ZNF599: variants seen among roughly 807,000 people sequenced by gnomAD.
ZNF599 encodes the protein zinc finger protein 599.
ZNF599 carries 10 observed loss-of-function variants against 11.7 expected under a neutral mutation model. That is an observed-to-expected ratio of 0.86 (90% confidence interval 0.53 to 1.45). The LOEUF is 1.45. Ranked by LOEUF, ZNF599 falls within the 40% of genes most tolerant of loss-of-function variation. The probability of loss-of-function intolerance (pLI) is 0.00; values close to 1 mark genes in which losing one functional copy is unlikely to be tolerated. For synonymous variants in ZNF599, 232 were observed against 253.2 expected (o/e 0.92, Z 0.79); for missense variants, 688 against 713.6 (o/e 0.96, Z 0.41).
chr19:34,785,253 A>G, the ZNF599 span, among the ~76,000 whole-genome samples: 2 of 152,152 alleles, frequency 1.3e-5, no homozygotes, highest in Non-Finnish European at 2.9e-5. Context: ...GACTTAAAAA[A>G]TAGATGCAGA....
chr19:34,777,383 A>C (rs1413125618), upstream of ZNF599, among the ~76,000 whole-genome samples: 2 of 89,650 alleles, frequency 2.2e-5, no homozygotes, highest in Non-Finnish European at 4.0e-5. Flanking sequence ...ATTATATATT[A>C]ATTAATATAT....
the ZNF599 span, among the ~76,000 whole-genome samples, chr19:34,803,797 G>A: frequency 6.6e-6 from 1 of 152,174 alleles, no homozygotes; most frequent in East Asian, 1.9e-4. Flanking sequence ...ACCAAACTTG[G>A]GCTCACTCTT....
In ZNF599 at chr19:34,759,047, T is replaced by A. The variant is rs774526827; in HGVS notation, c.1754A>T (p.His585Leu). The change falls in exon 4 of 4, where the codon CAT becomes CTT. Residue 585 changes from histidine (H) to leucine (L), a missense_variant. His to Leu is a moderately conservative substitution (Grantham distance 99, BLOSUM62 -3). Transcript: ENST00000329285. ...SSSFTHHRKI[H>L]TRV ...TTCCTGTATCTTTTAAACTCTGGTATGAATCTTTCGATGGTGAGTGAACGA... is the reference window on the plus strand; with the variant it reads ...TTCCTGTATCTTTTAAACTCTGGTAAGAATCTTTCGATGGTGAGTGAACGA... The A allele has an allele frequency of 6.2e-7, 1 of 1,610,372 alleles. No individual in the cohort carries two copies.
upstream of ZNF599, among the ~76,000 whole-genome samples, chr19:34,774,039 A>G (rs551183749): frequency 6.6e-6 from 1 of 152,348 alleles, no homozygotes; most frequent in South Asian, 2.1e-4. Flanking sequence ...TAAATTTTAC[A>G]TAATAATACG....
chr19:34,775,485 G>T (rs116765271), upstream of ZNF599, among the ~76,000 whole-genome samples: 1,300 of 152,334 alleles, frequency 8.5e-3, 19 homozygotes, highest in African/African-American at 0.03. Context: ...ATTGCTTAGG[G>T]ATGGTGGGTA....
chr19:34,804,033 A>G, the ZNF599 span, among the ~76,000 whole-genome samples: 1 of 152,152 alleles, frequency 6.6e-6, no homozygotes, highest in African/African-American at 2.4e-5. Context: ...AAGACCTCCA[A>G]TGGCTTTCAC....
chr19:34,795,074 T>A, the ZNF599 span, among the ~76,000 whole-genome samples: 1 of 152,288 alleles, frequency 6.6e-6, no homozygotes, highest in Admixed American at 6.5e-5. Context: ...CATCTTCACA[T>A]GGAATTTATG....
upstream of ZNF599, among the ~76,000 whole-genome samples, chr19:34,776,132 C>A (rs1190068868): frequency 6.6e-6 from 1 of 152,170 alleles, no homozygotes; most frequent in Non-Finnish European, 1.5e-5. Flanking sequence ...TTTCAATCAA[C>A]AAAATAGGTA....
At chr19:34,765,385 A>G (rs1481568091) in intron 3 of ZNF599, 1 of 580,624 alleles carries the variant, frequency 1.7e-6, no homozygotes, top group African/African-American at 1.9e-5. Context: ...TGAAGAAGTG[A>G]GCTGATGGTG....
chr19:34,762,932 C>A (rs1007549345), intron 3 of ZNF599: 1 of 151,938 alleles, frequency 6.6e-6, no homozygotes, highest in African/African-American at 2.4e-5. Flanking sequence ...TGAGATGAAA[C>A]AATCTTAAAA....
At chr19:34,781,791 C>G in the ZNF599 span, among the ~76,000 whole-genome samples, 2 of 152,138 alleles carry the variant, frequency 1.3e-5, no homozygotes, top group Non-Finnish European at 2.9e-5. Flanking sequence ...GCAATTGCAC[C>G]TGAGTTGCTG....
chr19:34,779,444 A>G, the ZNF599 span: 1 of 455,970 alleles, frequency 2.2e-6, no homozygotes, highest in East Asian at 7.0e-5. Flanking sequence ...AACTTTCATC[A>G]GAGTGAACTC....
intron 1 of ZNF599, 104 bp from the exon 2 acceptor site, chr19:34,769,659 A>C: frequency 1.4e-6 from 2 of 1,412,600 alleles, no homozygotes; most frequent in Non-Finnish European, 1.9e-6. Context: ...TGAACCACTG[A>C]GCAACTCCTG....
the ZNF599 span, among the ~76,000 whole-genome samples, chr19:34,784,510 G>T: frequency 6.6e-6 from 1 of 152,266 alleles, no homozygotes; most frequent in South Asian, 2.1e-4. Context: ...GCCCAGTTCC[G>T]ATTTGAAGGC....
chr19:34,768,090 C>A (rs895775229), intron 2 of ZNF599, among the ~76,000 whole-genome samples: 1 of 152,204 alleles, frequency 6.6e-6, no homozygotes, highest in African/African-American at 2.4e-5. Context: ...ACTGGAAAAT[C>A]TTGTCCTGGC....
chr19:34,762,927 T>C (rs2069120980), intron 3 of ZNF599: 2 of 152,154 alleles, frequency 1.3e-5, no homozygotes, highest in South Asian at 2.1e-4. Context: ...CATTATGAGA[T>C]GAAACAATCT....
At chr19:34,784,193 C>T in the ZNF599 span, among the ~76,000 whole-genome samples, 3 of 152,082 alleles carry the variant, frequency 2.0e-5, no homozygotes. Context: ...GCTGGCAATC[C>T]CTGGCATTCC....
At chr19:34,765,345 C>A in intron 3 of ZNF599, 1 of 542,328 alleles carries the variant, frequency 1.8e-6, no homozygotes, top group Non-Finnish European at 3.3e-6. Flanking sequence ...GAACATCCGT[C>A]TTGCTGGAGT....
chr19:34,804,077 C>A, the ZNF599 span, among the ~76,000 whole-genome samples: 1 of 152,188 alleles, frequency 6.6e-6, no homozygotes, highest in Non-Finnish European at 1.5e-5. Context: ...GCTAAGAAAG[C>A]CTCACCTTCT....
Sources: gnomAD v4.1 joint callset for allele counts (sites outside exome capture counted in the v4.1 genomes callset) on GRCh38, gnomAD v4.1.1 for gene constraint, MANE v1.5 for transcripts, NCBI Gene and HGNC (gene_info 2026-07-23, HGNC 2026-07-21) for gene names.